The following ACSM2A variants were observed in gnomAD, a reference collection of about 807,000 sequenced individuals.
ACSM2A encodes acyl-coenzyme A synthetase ACSM2A, mitochondrial.
A neutral mutation model predicts 76.6 loss-of-function variants in ACSM2A; 72 were observed. The observed-to-expected ratio is 0.94, with a 90% CI of 0.78 to 1.14. The LOEUF (loss-of-function observed/expected upper bound fraction) is 1.14. Among genes scored for constraint, ACSM2A ranks in the 50% most tolerant of loss-of-function variants. ACSM2A has a pLI of 0.00. For missense variants in ACSM2A, 684 were observed against 708.5 expected, an observed-to-expected ratio of 0.97 and a Z score of 0.39; for synonymous variants, 249 against 255.9, an observed-to-expected ratio of 0.97 and a Z score of 0.26.
In ACSM2A at chr16:20,465,815, G is replaced by T; in HGVS notation, c.388+88G>T. 2.6e-6 allele frequency: 4 copies of T among 1,520,098 alleles called. No individual in the cohort carries two copies. The African/African-American group carries it at 5.5e-5, about 21-fold the overall frequency. The allele number at this position is 1,520,098 out of a possible 1,614,324, so 94.2% of individuals were successfully genotyped here. On this transcript the variant is annotated intron_variant, in intron 3 of 13. Transcript: ENST00000573854. The stretch of plus-strand genomic sequence containing the variant: ...AATGCAGCCACCTCTCTCAAAAGAA[G>T]TCTCCTCCTTGGAGCATGCTGTCCT...
At position 20,486,631 on chromosome 16, in the gene ACSM2A, C is replaced by A. The variant is rs1216920779; in HGVS notation, c.1687C>A (p.Leu563Ile). 1.9e-6 allele frequency: 3 copies of A among 1,614,186 alleles called. No homozygotes were observed. Among genetic ancestry groups the A allele is most frequent in the South Asian group, 1.1e-5 (1 of 91,084 alleles). Residue 563 changes from leucine to isoleucine, a missense_variant, in exon 14 of 14, where the codon CTT becomes ATT. Coordinates refer to ENST00000573854, the MANE Select transcript of ACSM2A (RefSeq NM_001308172.2). ...TVTGKIQRAKLRDKEWKMSGK... is the reference protein window; with the variant it reads ...TVTGKIQRAKIRDKEWKMSGK... The stretch of plus-strand genomic sequence containing the variant: ...CACAGGGAAAATTCAACGAGCCAAG[C>A]TTCGAGACAAGGAGTGGAAGATGTC...
intron 3 of ACSM2A, among the ~76,000 whole-genome samples, chr16:20,468,592 T>G (rs2013160474): frequency 6.6e-6 from 1 of 152,180 alleles, no homozygotes; most frequent in Non-Finnish European, 1.5e-5. Flanking sequence ...ACTCTTGACC[T>G]CTAATAATCC....
At chr16:20,475,317 C>T (rs561720562) in intron 6 of ACSM2A, 45 bp from the exon 7 acceptor site, 5 of 1,613,246 alleles carry the variant, frequency 3.1e-6, no homozygotes, top group African/African-American at 1.3e-5. Flanking sequence ...CATAAGTTGG[C>T]ATTTGACCTG....
rs149105084 is a variant in ACSM2A, at chr16:20,475,792, A to T, written c.1098+19A>T. 3,456 of 1,612,462 alleles carry T rather than the reference A, an allele frequency of 2.1e-3. 54 individuals carry two copies. The African/African-American group carries it at 0.031, about 15-fold the overall frequency. On this transcript the variant is annotated intron_variant, in intron 8 of 13. Coordinates refer to ENST00000573854, the MANE Select transcript of ACSM2A (RefSeq NM_001308172.2). The stretch of plus-strand genomic sequence containing the variant: ...AGAAACGGTACCTGTTCCCAGGGGA[A>T]CCATGGGCTGTGTGCACTTTTTGGG...
chr16:20,453,426 T>C (rs1244771559), intron 1 of ACSM2A: 1 of 151,480 alleles, frequency 6.6e-6, no homozygotes, highest in Non-Finnish European at 1.5e-5. Flanking sequence ...ACGTCCCCAA[T>C]TAACACTCTT....
chr16:20,468,421 T>A (rs2013146407), intron 3 of ACSM2A, among the ~76,000 whole-genome samples: 2 of 152,304 alleles, frequency 1.3e-5, no homozygotes, highest in Admixed American at 1.3e-4. Context: ...CAGGCTGGAG[T>A]TCAGTGGTGC....
At chr16:20,461,388 T>A (rs942233470) in intron 2 of ACSM2A, among the ~76,000 whole-genome samples, 3 of 152,176 alleles carry the variant, frequency 2.0e-5, no homozygotes, top group African/African-American at 7.2e-5. Flanking sequence ...CCTTTAAATA[T>A]TGAGGAAGGC....
intron 10 of ACSM2A, 44 bp from the exon 11 acceptor site, chr16:20,480,529 T>C (rs767796229): frequency 6.3e-7 from 1 of 1,594,930 alleles, no homozygotes; most frequent in Non-Finnish European, 8.5e-7. Flanking sequence ...GCAGGGGATT[T>C]AGGCTTTGCA....
intron 2 of ACSM2A, among the ~76,000 whole-genome samples, chr16:20,461,894 A>T (rs1367292253): frequency 6.6e-6 from 1 of 152,120 alleles, no homozygotes; most frequent in African/African-American, 2.4e-5. Flanking sequence ...CTCAGAGACT[A>T]GGGTTTTCAA....
rs752697303 is a variant in ACSM2A at position 20,471,655 on chromosome 16, T to C, written c.860T>C (p.Leu287Pro). ...TTAGGAGCATGCACATTTGTTCATCTCTTGCCAAAGTTTGACCCACTGGTT... is the reference window on the plus strand; with the variant it reads ...TTAGGAGCATGCACATTTGTTCATCCCTTGCCAAAGTTTGACCCACTGGTT... ...WALGACTFVHLLPKFDPLVIL... is the reference protein window; with the variant it reads ...WALGACTFVHPLPKFDPLVIL... Residue 287 changes from leucine to proline, a missense_variant, in exon 6 of 14, where the codon CTC becomes CCC. Physicochemically the swap from Leu to Pro is moderately conservative, Grantham distance 98 (BLOSUM62 -3). Around this residue, in one of 3 missense-constraint regions of ACSM2A, gnomAD observed 519 missense variants for 549.5 expected, o/e 0.94. Transcript: ENST00000573854. 6.2e-6 allele frequency: 10 copies of C among 1,613,886 alleles called. No individual in the cohort carries two copies. In the Admixed American group the frequency reaches 1.2e-4, roughly 19 times the overall value.
chr16:20,469,421 C>G, intron 3 of ACSM2A, 91 bp from the exon 4 acceptor site: 2 of 1,576,722 alleles, frequency 1.3e-6, no homozygotes, highest in African/African-American at 1.4e-5. Flanking sequence ...CTCTCCTTCC[C>G]CACTTGCTCG....
intron 13 of ACSM2A, among the ~76,000 whole-genome samples, chr16:20,484,765 G>A (rs1347561325): frequency 1.3e-5 from 2 of 152,186 alleles, no homozygotes; most frequent in Non-Finnish European, 2.9e-5. Context: ...GGTCTTTACA[G>A]TCACAGGTGG....
In ACSM2A at chr16:20,486,696, C is replaced by T. The variant is rs563321770; in HGVS notation, c.*18C>T. 1 of 1,612,876 alleles carries T rather than the reference C, an allele frequency of 6.2e-7. No individual in the cohort carries two copies. Among genetic ancestry groups the T allele is most frequent in the East Asian group, 2.2e-5 (1 of 44,866 alleles). On this transcript the variant is annotated 3_prime_UTR_variant, in exon 14 of 14. Coordinates refer to ENST00000573854, the MANE Select transcript of ACSM2A (RefSeq NM_001308172.2). The stretch of plus-strand genomic sequence containing the variant: ...CGCAGTGAGACATCTAAGAGACATT[C>T]ATTTGGATTCCCCTCTTCTTTCTCT...
intron 6 of ACSM2A, among the ~76,000 whole-genome samples, chr16:20,473,341 A>C (rs2013531403): frequency 6.6e-6 from 1 of 152,212 alleles, no homozygotes; most frequent in Non-Finnish European, 1.5e-5. Context: ...ACCATTAAAA[A>C]AATGAAAACA....
intron 2 of ACSM2A, among the ~76,000 whole-genome samples, chr16:20,461,855 A>C (rs34045408): frequency 6.6e-6 from 1 of 152,214 alleles, no homozygotes; most frequent in Non-Finnish European, 1.5e-5. Context: ...AAGGATGGGA[A>C]ATATTTCTCA....
intron 1 of ACSM2A, among the ~76,000 whole-genome samples, chr16:20,457,430 A>T (rs1293988497): frequency 6.6e-6 from 1 of 152,150 alleles, no homozygotes; most frequent in Non-Finnish European, 1.5e-5. Context: ...CTGCCAGCTA[A>T]CTGAATCCAA....
chr16:20,463,582 T>C lies in ACSM2A; in HGVS notation c.178-1935T>C, dbSNP rs970661940. ...ATGCACCTGCTCCCCCTTCACCTTC[T>C]TCCATGGCTGTAATCTTCCTGAGGC... On this transcript the variant is annotated intron_variant, in intron 2 of 13. Transcript: ENST00000573854. Among the ~76,000 whole-genome samples, 64 of 152,210 alleles carry C rather than the reference T, an allele frequency of 4.2e-4. 1 individual carries two copies. Among genetic ancestry groups the C allele is most frequent in the African/African-American group, 1.3e-3 (55 of 41,480 alleles).
Position 20,486,815 on chromosome 16 carries a change from G to C in ACSM2A, c.*137G>C. On this transcript the variant is annotated 3_prime_UTR_variant, in exon 14 of 14. Coordinates refer to ENST00000573854, the MANE Select transcript of ACSM2A (RefSeq NM_001308172.2). The stretch of plus-strand genomic sequence containing the variant: ...AAGTTTTGTCTTGCCTTGGTTATTA[G>C]CACAAAACTTTACCATGTTAGATGT... 2 of 1,064,252 alleles carry C rather than the reference G, an allele frequency of 1.9e-6. No homozygotes were observed. The highest frequency in any genetic ancestry group is 2.8e-6 in the Non-Finnish European group (2 of 722,296). 65.9% of individuals were successfully genotyped at this position (1,064,252 alleles called of 1,614,324 possible).
rs148220486 is a variant in ACSM2A at position 20,456,009 on chromosome 16, C to T, written c.-8-4098C>T. On this transcript the variant is annotated intron_variant, in intron 1 of 13. Transcript: ENST00000573854. ...CAAGCAGGAGTAGCTATATTTATAA[C>T]AGACAAAACAAACTTTAAAGCCACA... Among the ~76,000 whole-genome samples, 760 of 150,128 alleles carry T rather than the reference C, an allele frequency of 5.1e-3. 7 individuals carry two copies. The highest frequency in any genetic ancestry group is 0.018 in the African/African-American group (722 of 41,036).
Sources: allele counts gnomAD v4.1 joint callset (sites outside exome capture counted in the v4.1 genomes callset), GRCh38; gene constraint gnomAD v4.1.1; regional missense constraint gnomAD v4.1.1; transcripts MANE v1.5; gene names NCBI Gene and HGNC (gene_info 2026-07-23, HGNC 2026-07-21).